The following NUMB variants were observed in gnomAD, a reference collection of about 807,000 sequenced individuals.
NUMB encodes the protein protein numb homolog.
Under a neutral mutation model 59.7 loss-of-function variants are expected in NUMB, and 29 were observed. The observed-to-expected ratio is 0.49, with a 90% confidence interval of 0.36 to 0.66. The LOEUF (loss-of-function observed/expected upper bound fraction) is 0.66. Ranked by LOEUF, NUMB falls within the 30% of genes least tolerant of loss-of-function variation. The probability of loss-of-function intolerance (pLI) is 0.00; values close to 1 mark genes in which losing one functional copy is unlikely to be tolerated. For synonymous variants in NUMB, 288 were observed against 288.2 expected (o/e 1.00, Z 0.01); for missense variants, 723 against 822.0 (o/e 0.88, Z 1.47).
intron 4 of NUMB, among the ~76,000 whole-genome samples, chr14:73,328,580 G>A (rs147878098): frequency 1.1e-4 from 16 of 152,180 alleles, no homozygotes; most frequent in African/African-American, 3.4e-4. Flanking sequence ...AATTGGTATC[G>A]TCTCTTTTTT....
At chr14:73,354,827 C>CAAAAAAAAAAAAAAAAAAA (rs10668811) in intron 4 of NUMB, among the ~76,000 whole-genome samples, 2 of 82,304 alleles carry the variant, frequency 2.4e-5, no homozygotes, top group Non-Finnish European at 4.3e-5. Context: ...GACTGTGCCT[C>CAAAAAAAAAAAAAAAAAAA]AAAAAAAAAA....
Position 73,405,431 on chromosome 14 carries a change from T to TTC in NUMB, c.-101+4504_-101+4505dup, listed in dbSNP as rs1187015712. ...GGAAATCCTTTAGGTATTTTTTTCT[T>TTC]TCTCTTTTTTTTTTTTTTTTTTTTT... On this transcript the variant is annotated intron_variant, in intron 2 of 12. Coordinates refer to ENST00000555238, the MANE Select transcript of NUMB (RefSeq NM_001005743.2). 4.7e-4 allele frequency among the ~76,000 whole-genome samples: 59 copies of TTC among 124,732 alleles called. 2 individuals carry two copies. The highest frequency in any genetic ancestry group is 3.5e-4 in the Non-Finnish European group (20 of 57,396). 81.8% of individuals were successfully genotyped at this position (124,732 alleles called of 152,430 possible). A position where few individuals can be genotyped will look rare whatever the true frequency, so the allele number is the denominator to read the frequency against.
chr14:73,345,363 G>A (rs899123117), intron 4 of NUMB, among the ~76,000 whole-genome samples: 6 of 152,128 alleles, frequency 3.9e-5, no homozygotes, highest in Non-Finnish European at 5.9e-5. Context: ...GAGGGTGATG[G>A]TCGAAAAACT....
intron 2 of NUMB, among the ~76,000 whole-genome samples, chr14:73,401,076 G>A (rs1566780812): frequency 6.6e-6 from 1 of 152,132 alleles, no homozygotes; most frequent in Non-Finnish European, 1.5e-5. Context: ...CTCAACCTGT[G>A]GGATCTGATT....
chr14:73,414,883 C>T (rs1284138722), intron 1 of NUMB, among the ~76,000 whole-genome samples: 1 of 152,096 alleles, frequency 6.6e-6, no homozygotes, highest in Non-Finnish European at 1.5e-5. Context: ...CCACGCCCAG[C>T]TAATTTTTTT....
At chr14:73,431,366 G>A (rs1376875089) in intron 1 of NUMB, among the ~76,000 whole-genome samples, 1 of 150,662 alleles carries the variant, frequency 6.6e-6, no homozygotes, top group East Asian at 2.0e-4. Context: ...AGCAACTCTC[G>A]TGCTTTGGCC....
At chr14:73,307,755 C>T (rs1372290214) in intron 6 of NUMB, among the ~76,000 whole-genome samples, 3 of 99,822 alleles carry the variant, frequency 3.0e-5, no homozygotes, top group Admixed American at 1.4e-4. Flanking sequence ...TTTTTTGAGA[C>T]GGAGTCTTGC....
chr14:73,278,363 T>G (rs1423084197), intron 12 of NUMB, among the ~76,000 whole-genome samples: 2 of 151,398 alleles, frequency 1.3e-5, no homozygotes, highest in African/African-American at 4.9e-5. Flanking sequence ...CTACTAAAAA[T>G]ACAAAAATTG....
At chr14:73,299,460 C>T (rs528227457) in intron 6 of NUMB, 22 of 151,954 alleles carry the variant, frequency 1.4e-4, no homozygotes, top group African/African-American at 5.3e-4. Context: ...CGTTGGCCTG[C>T]TTTACAGGTA....
intron 6 of NUMB, among the ~76,000 whole-genome samples, chr14:73,306,440 A>T (rs1890431648): frequency 6.6e-6 from 1 of 152,192 alleles, no homozygotes; most frequent in Non-Finnish European, 1.5e-5. Flanking sequence ...CCCTTCTCAC[A>T]ATGAGTGATT....
chr14:73,302,469 C>A (rs1472521506), intron 6 of NUMB, among the ~76,000 whole-genome samples: 1 of 142,748 alleles, frequency 7.0e-6, no homozygotes, highest in African/African-American at 2.6e-5. Flanking sequence ...TGCAGTGGAG[C>A]AATTTAGTCT....
At chr14:73,328,984 T>C (rs1461466046) in intron 4 of NUMB, among the ~76,000 whole-genome samples, 6 of 152,200 alleles carry the variant, frequency 3.9e-5, no homozygotes, top group African/African-American at 1.4e-4. Context: ...TTCTTCTGCC[T>C]CATCCTCCTG....
At chr14:73,442,659 T>C (rs1883146393) in intron 1 of NUMB, among the ~76,000 whole-genome samples, 1 of 152,058 alleles carries the variant, frequency 6.6e-6, no homozygotes, top group South Asian at 2.1e-4. Flanking sequence ...GACAAAAAAA[T>C]ATATGTATAT....
intron 4 of NUMB, among the ~76,000 whole-genome samples, chr14:73,343,635 G>A (rs938688339): frequency 2.0e-5 from 3 of 152,196 alleles, no homozygotes; most frequent in African/African-American, 7.2e-5. Context: ...GTAACGGGCT[G>A]CCTTATCCTA....
chr14:73,281,930 T>C (rs927655997), intron 11 of NUMB, among the ~76,000 whole-genome samples: 3 of 152,138 alleles, frequency 2.0e-5, no homozygotes, highest in Admixed American at 2.0e-4. Context: ...AACCCCCAAC[T>C]TGTAAAGCCC....
chr14:73,415,060 C>T (rs1897070111), intron 1 of NUMB, among the ~76,000 whole-genome samples: 1 of 152,174 alleles, frequency 6.6e-6, no homozygotes, highest in Non-Finnish European at 1.5e-5. Context: ...AGAATAAGAA[C>T]AGCTGAATTT....
intron 3 of NUMB, among the ~76,000 whole-genome samples, chr14:73,363,227 G>A (rs1471137664): frequency 6.6e-6 from 1 of 151,984 alleles, no homozygotes; most frequent in Non-Finnish European, 1.5e-5. Context: ...AGCCTGGGAG[G>A]TGGAGGTTGC....
At chr14:73,304,356 G>T (rs1890309119) in intron 6 of NUMB, among the ~76,000 whole-genome samples, 1 of 151,960 alleles carries the variant, frequency 6.6e-6, no homozygotes, top group South Asian at 2.1e-4. Flanking sequence ...TGACACCCAG[G>T]CTGGAGCACA....
intron 2 of NUMB, among the ~76,000 whole-genome samples, chr14:73,383,621 T>C (rs1344692811): frequency 6.6e-6 from 1 of 152,080 alleles, no homozygotes; most frequent in Middle Eastern, 3.2e-3. Flanking sequence ...TCTCCGGACC[T>C]GAAACATCTT....
Sources: allele counts gnomAD v4.1 joint callset (sites outside exome capture counted in the v4.1 genomes callset), GRCh38; gene constraint gnomAD v4.1.1; transcripts MANE v1.5; gene names NCBI Gene and HGNC (gene_info 2026-07-23, HGNC 2026-07-21).